The following LRMDA variants were observed in gnomAD, a reference collection of about 807,000 sequenced individuals.
The protein encoded by LRMDA is leucine rich melanocyte differentiation associated, also known as leucine-rich melanocyte differentiation-associated protein.
In LRMDA, 18 loss-of-function variants were observed where a neutral mutation model predicts 29.8. The observed-to-expected ratio is 0.60, with a 90% confidence interval of 0.42 to 0.90. The LOEUF is 0.90. LRMDA is among the 40% of genes least tolerant of loss of function. The pLI, the probability that LRMDA is intolerant of heterozygous loss-of-function variation, is 0.00. For missense variants in LRMDA, 273 were observed against 273.9 expected (o/e 1.00, Z 0.02); for synonymous variants, 125 against 109.4 (o/e 1.14, Z -0.89).
chr10:75,664,694 A>T (rs1841798709), intron 2 of LRMDA, among the ~76,000 whole-genome samples: 1 of 152,230 alleles, frequency 6.6e-6, no homozygotes, highest in South Asian at 2.1e-4. Context: ...AGGGTGAAGG[A>T]ATACAATGAT....
intron 6 of LRMDA, among the ~76,000 whole-genome samples, chr10:76,459,292 G>A (rs1182141183): frequency 6.6e-6 from 1 of 152,166 alleles, no homozygotes; most frequent in Admixed American, 6.5e-5. Context: ...AAGTCCCAGA[G>A]ATTGATAGCC....
chr10:76,012,207 G>A (rs1041905159), intron 2 of LRMDA, among the ~76,000 whole-genome samples: 1 of 152,180 alleles, frequency 6.6e-6, no homozygotes, highest in African/African-American at 2.4e-5. Context: ...GTCTGCACTG[G>A]GTTCCTCTCC....
At chr10:76,103,541 G>A (rs528200002) in intron 5 of LRMDA, among the ~76,000 whole-genome samples, 107 of 152,314 alleles carry the variant, frequency 7.0e-4, no homozygotes, top group Admixed American at 2.6e-3. Context: ...GATGGAGCCT[G>A]ACTTACTCAT....
chr10:76,232,418 C>A (rs1044598509), intron 5 of LRMDA, among the ~76,000 whole-genome samples: 3 of 152,152 alleles, frequency 2.0e-5, no homozygotes, highest in Non-Finnish European at 2.9e-5. Flanking sequence ...AAGGTGAACA[C>A]CCAGTGAGAT....
chr10:76,308,010 G>C (rs911198086), intron 5 of LRMDA, among the ~76,000 whole-genome samples: 2 of 152,156 alleles, frequency 1.3e-5, no homozygotes, highest in African/African-American at 4.8e-5. Flanking sequence ...AATGTAGCAA[G>C]TGGTCCCCAT....
intron 6 of LRMDA, among the ~76,000 whole-genome samples, chr10:76,429,041 A>ACACACACAAACAC (rs1554820441): frequency 1.7e-4 from 11 of 64,034 alleles, no homozygotes; most frequent in African/African-American, 4.9e-4. Flanking sequence ...CACACACACA[A>ACACACACAAACAC]ACACACACAC....
At chr10:76,503,876 T>C (rs1842935291) in intron 6 of LRMDA, among the ~76,000 whole-genome samples, 1 of 150,844 alleles carries the variant, frequency 6.6e-6, no homozygotes, top group South Asian at 2.1e-4. Flanking sequence ...ATCTTTGGGG[T>C]TGGTTCTTTT....
intron 2 of LRMDA, among the ~76,000 whole-genome samples, chr10:75,541,111 G>T (rs1421815892): frequency 6.6e-6 from 1 of 152,144 alleles, no homozygotes; most frequent in African/African-American, 2.4e-5. Context: ...CTAGGCAACC[G>T]CAGCATTCAA....
rs565485032 is a variant in LRMDA, at chr10:76,536,506, T to A, written c.602-20703T>A. On this transcript the variant is annotated intron_variant, in intron 6 of 6. Transcript: ENST00000611255. ...TGATTCTGATGAAACTGAAGAGCGA[T>A]TGATCTAGAGCATGTTCCCACCTTT... Among the ~76,000 whole-genome samples the A allele has an allele frequency of 5.3e-5, 8 of 152,288 alleles. No homozygotes were observed. The South Asian group carries it at 1.7e-3, about 32-fold the overall frequency.
chr10:76,489,290 A>G (rs984381536), intron 6 of LRMDA, among the ~76,000 whole-genome samples: 9 of 151,880 alleles, frequency 5.9e-5, no homozygotes, highest in Middle Eastern at 3.4e-3. Context: ...AGATTTTCCA[A>G]TTTATTGGCA....
At chr10:76,123,752 T>C (rs976892844) in intron 5 of LRMDA, among the ~76,000 whole-genome samples, 2 of 152,210 alleles carry the variant, frequency 1.3e-5, no homozygotes, top group Admixed American at 1.3e-4. Context: ...TCTCAGAAAC[T>C]GGTGCTCATT....
intron 5 of LRMDA, among the ~76,000 whole-genome samples, chr10:76,174,361 T>C (rs1589363540): frequency 6.6e-6 from 1 of 152,180 alleles, no homozygotes; most frequent in Non-Finnish European, 1.5e-5. Context: ...ATATCTCTTA[T>C]GAACAAAGAT....
At chr10:75,768,736 C>T (rs1843201120) in intron 2 of LRMDA, among the ~76,000 whole-genome samples, 1 of 152,080 alleles carries the variant, frequency 6.6e-6, no homozygotes, top group Admixed American at 6.5e-5. Context: ...CCAGGTGGCT[C>T]TTTGTGGTTC....
At chr10:76,421,454 A>G (rs967016092) in intron 6 of LRMDA, among the ~76,000 whole-genome samples, 2 of 152,152 alleles carry the variant, frequency 1.3e-5, no homozygotes, top group African/African-American at 4.8e-5. Context: ...TTTGAAATCC[A>G]TTATGAAAAC....
intron 5 of LRMDA, among the ~76,000 whole-genome samples, chr10:76,120,597 G>A (rs7095554): frequency 0.04 from 6,022 of 152,186 alleles, 414 homozygotes; most frequent in African/African-American, 0.14. Flanking sequence ...GATCTTACCA[G>A]TATATTGGAA....
At chr10:75,469,045 A>G (rs187097816) in intron 2 of LRMDA, among the ~76,000 whole-genome samples, 1 of 152,248 alleles carries the variant, frequency 6.6e-6, no homozygotes, top group Admixed American at 6.5e-5. Context: ...TCAAGGCATT[A>G]TCTCTGCAGA....
In LRMDA at chr10:75,800,639, C is replaced by T. The variant is rs558115927; in HGVS notation, c.132-235369C>T. Among the ~76,000 whole-genome samples, 33 of 152,040 alleles carry T rather than the reference C, an allele frequency of 2.2e-4. 2 individuals carry two copies. The South Asian group carries it at 4.2e-3, about 19-fold the overall frequency. Reference sequence around the variant, plus strand: ...AGTTTCAAATTTTCTGCTGATATTCCCCTATTATGACTCTCTTTCCTTGAG... The same window carrying T: ...AGTTTCAAATTTTCTGCTGATATTCTCCTATTATGACTCTCTTTCCTTGAG... On this transcript the variant is annotated intron_variant, in intron 2 of 6. Transcript: ENST00000611255.
At chr10:76,343,964 C>T (rs529632089) in intron 6 of LRMDA, among the ~76,000 whole-genome samples, 5 of 151,960 alleles carry the variant, frequency 3.3e-5, no homozygotes, top group South Asian at 2.1e-4. Flanking sequence ...ATTACAGACC[C>T]GTGCCACCAC....
At chr10:75,538,981 G>A (rs368496610) in intron 2 of LRMDA, among the ~76,000 whole-genome samples, 31 of 152,324 alleles carry the variant, frequency 2.0e-4, no homozygotes, top group Admixed American at 5.2e-4. Context: ...CCCTATATTA[G>A]TGTTGCTTGC....
Sources: gnomAD v4.1 joint callset for allele counts (sites outside exome capture counted in the v4.1 genomes callset) on GRCh38, gnomAD v4.1.1 for gene constraint, MANE v1.5 for transcripts, NCBI Gene and HGNC (gene_info 2026-07-23, HGNC 2026-07-21) for gene names.